The following ZNF430 variants were observed in gnomAD, a reference collection of about 807,000 sequenced individuals.
ZNF430 encodes zinc finger protein 430.
A neutral mutation model predicts 56.7 loss-of-function variants in ZNF430; 35 were observed. The ratio of observed to expected loss-of-function variants is 0.62; its 90% CI spans 0.47 to 0.82. The LOEUF is 0.82. Ranked by LOEUF, ZNF430 falls within the 40% of genes least tolerant of loss-of-function variation. The pLI is 0.00. For synonymous variants in ZNF430, 212 were observed against 224.3 expected (o/e 0.94, Z 0.49); for missense variants, 574 against 661.0 (o/e 0.87, Z 1.44).
Position 21,057,947 on chromosome 19 carries a change from G to C in ZNF430, c.1639G>C (p.Gly547Arg), listed in dbSNP as rs766893903. ...GAAACCCTACAACTGTGAAGAATAC[G>C]GCAAAGCTTTCAACCAGTCCTCAAA... ...GEKPYNCEEY[G>R]KAFNQSSNLI... The change falls in exon 5 of 5, where the codon GGC becomes CGC. Residue 547 changes from glycine (G) to arginine (R), a missense_variant. Coordinates refer to ENST00000261560, the MANE Select transcript of ZNF430 (RefSeq NM_025189.4). The C allele has an allele frequency of 1.2e-6, 2 of 1,612,402 alleles. No homozygotes were observed. Among genetic ancestry groups the C allele is most frequent in the Admixed American group, 3.3e-5 (2 of 59,800 alleles).
At chr19:21,051,869 A>T (rs1011039235) in intron 4 of ZNF430, among the ~76,000 whole-genome samples, 2 of 152,164 alleles carry the variant, frequency 1.3e-5, no homozygotes, top group African/African-American at 4.8e-5. Context: ...GAAATCAGGA[A>T]CTATAATGAC....
At chr19:21,046,530 C>T (rs1439427725) in intron 4 of ZNF430, among the ~76,000 whole-genome samples, 1 of 151,946 alleles carries the variant, frequency 6.6e-6, no homozygotes, top group African/African-American at 2.4e-5. Flanking sequence ...GCAAGGCAGG[C>T]CTGGTGGTGA....
rs369046554 is a variant in ZNF430 at position 21,047,034 on chromosome 19, G to A, written c.323-9597G>A. Among the ~76,000 whole-genome samples the A allele has an allele frequency of 3.9e-5, 6 of 152,120 alleles. No individual in the cohort carries two copies. In the South Asian group the frequency reaches 1.0e-3, roughly 26 times the overall value. The stretch of plus-strand genomic sequence containing the variant: ...GACCTCAGAGATTTCTCTCATTCCC[G>A]TTTATTCTTTTTTCTTCAATCTTGT... On this transcript the variant is annotated intron_variant, in intron 4 of 4. Transcript: ENST00000261560.
In ZNF430 at chr19:21,022,874, A is replaced by G; in HGVS notation, c.89A>G (p.Tyr30Cys). ...ADRNLLVYSFYEKGPLTFRDV... is the reference protein window; with the variant it reads ...ADRNLLVYSFCEKGPLTFRDV... ...AGGAATCTTCTGGTGTACTCTTTTT[A>G]TGAAAAGGTAACCCCTTGAGATGTT... The change falls in exon 2 of 5, where the codon TAT becomes TGT. Residue 30 changes from tyrosine (Y) to cysteine (C), a missense_variant. By Grantham distance (194) the Tyr-to-Cys change is radical (BLOSUM62 -2). Transcript: ENST00000261560. 6.2e-7 allele frequency: 1 copy of G among 1,611,968 alleles called. No homozygotes were observed. The highest frequency in any genetic ancestry group is 8.5e-7 in the Non-Finnish European group (1 of 1,178,116).
At chr19:21,048,864 C>T (rs561416073) in intron 4 of ZNF430, among the ~76,000 whole-genome samples, 3 of 151,812 alleles carry the variant, frequency 2.0e-5, no homozygotes, top group South Asian at 2.1e-4. Flanking sequence ...GGGCTGCCCC[C>T]CACCTCCCTC....
intron 4 of ZNF430, among the ~76,000 whole-genome samples, chr19:21,043,974 T>G (rs965360150): frequency 2.9e-4 from 23 of 78,568 alleles, no homozygotes; most frequent in African/African-American, 5.6e-4. Flanking sequence ...AGCTTCTTAT[T>G]AGCTGAAGAA....
chr19:21,037,130 A>C (rs9676314), intron 4 of ZNF430, among the ~76,000 whole-genome samples: 14 of 80,370 alleles, frequency 1.7e-4, no homozygotes, highest in Admixed American at 5.9e-4. Flanking sequence ...TTTTTTTTTT[A>C]TTTTTGAGAC....
In ZNF430 at chr19:21,020,711, G is replaced by A; in HGVS notation, c.-90G>A. On this transcript the variant is annotated 5_prime_UTR_variant, in exon 1 of 5. Transcript: ENST00000261560. ...TCGTCTTCAGCGCTCTGTGTCCTCTGCTCCTAGAGGTCCAGGCTCTGTGGC... is the reference window on the plus strand; with the variant it reads ...TCGTCTTCAGCGCTCTGTGTCCTCTACTCCTAGAGGTCCAGGCTCTGTGGC... 1.9e-6 allele frequency: 3 copies of A among 1,566,168 alleles called. No homozygotes were observed. Among genetic ancestry groups the A allele is most frequent in the Non-Finnish European group, 2.6e-6 (3 of 1,138,286 alleles).
At chr19:21,049,347 C>T (rs181451737) in intron 4 of ZNF430, among the ~76,000 whole-genome samples, 42 of 151,780 alleles carry the variant, frequency 2.8e-4, no homozygotes, top group African/African-American at 5.3e-4. Flanking sequence ...AGAACTTTAA[C>T]GGTTTTATGC....
chr19:21,046,454 GTGTTTT>G (rs1274263649), intron 4 of ZNF430, among the ~76,000 whole-genome samples: 1 of 152,090 alleles, frequency 6.6e-6, no homozygotes, highest in African/African-American at 2.4e-5. Context: ...GTACTTCAGT[GTGTTTT>G]TGTAGTGGCT....
At chr19:21,054,765 C>T (rs752046030) in intron 4 of ZNF430, among the ~76,000 whole-genome samples, 8 of 150,188 alleles carry the variant, frequency 5.3e-5, no homozygotes, top group South Asian at 2.1e-4. Context: ...AGCTCCGCCT[C>T]CCCGGTTCAC....
In ZNF430 at chr19:21,037,387, G is replaced by A. The variant is rs111476003; in HGVS notation, c.322+3203G>A. On this transcript the variant is annotated intron_variant, in intron 4 of 4. Coordinates refer to ENST00000261560, the MANE Select transcript of ZNF430 (RefSeq NM_025189.4). ...CCATCCTCGGCCTCCCAAAGTGCTG[G>A]GATTACAGGTGTGAGTCACACGCTT... Among the ~76,000 whole-genome samples, 155 of 152,116 alleles carry A rather than the reference G, an allele frequency of 1.0e-3. 1 individual carries two copies. Among genetic ancestry groups the A allele is most frequent in the African/African-American group, 3.2e-3 (133 of 41,524 alleles).
chr19:21,040,119 T>A (rs186804825), intron 4 of ZNF430, among the ~76,000 whole-genome samples: 3 of 152,334 alleles, frequency 2.0e-5, no homozygotes, highest in African/African-American at 7.2e-5. Flanking sequence ...ATTAGATGTA[T>A]CAGCCACTAC....
At position 21,057,660 on chromosome 19, in the gene ZNF430, A is replaced by G. The variant is rs1423880989; in HGVS notation, c.1352A>G (p.His451Arg). 1.9e-6 allele frequency: 3 copies of G among 1,612,904 alleles called. No homozygotes were observed. Among genetic ancestry groups the G allele is most frequent in the African/African-American group, 2.7e-5 (2 of 75,052 alleles). ...SSNLTAHKIIHTGEKPYKCEE... is the reference protein window; with the variant it reads ...SSNLTAHKIIRTGEKPYKCEE... ...AACCTTACTGCACATAAGATAATTCATACTGGAGAGAAACCCTACAAATGT... is the reference window on the plus strand; with the variant it reads ...AACCTTACTGCACATAAGATAATTCGTACTGGAGAGAAACCCTACAAATGT... The change falls in exon 5 of 5, where the codon CAT (histidine) becomes CGT (arginine). Residue 451 changes from histidine to arginine, a missense_variant. Transcript: ENST00000261560.
At chr19:21,036,561 C>A (rs552675609) in intron 4 of ZNF430, 4 of 152,000 alleles carry the variant, frequency 2.6e-5, no homozygotes, top group African/African-American at 9.7e-5. Flanking sequence ...GGTGGTGGCT[C>A]ACATCTGTAA....
chr19:21,047,349 T>G (rs1306059911), intron 4 of ZNF430, among the ~76,000 whole-genome samples: 1 of 152,222 alleles, frequency 6.6e-6, no homozygotes, highest in African/African-American at 2.4e-5. Context: ...TTATCCACCT[T>G]AGCCACCGCC....
intron 2 of ZNF430, 49 bp from the exon 3 acceptor site, chr19:21,033,407 G>T: frequency 6.4e-7 from 1 of 1,564,584 alleles, no homozygotes; most frequent in Non-Finnish European, 8.6e-7. Context: ...AATTCTGCCC[G>T]TGGCCACTTG....
chr19:21,050,184 C>T (rs1968260773), intron 4 of ZNF430, among the ~76,000 whole-genome samples: 1 of 53,194 alleles, frequency 1.9e-5, no homozygotes, highest in Non-Finnish European at 7.3e-5. Context: ...GTGCCCAGCC[C>T]CCCTATATTC....
chr19:21,033,228 C>A (rs1388083990), intron 2 of ZNF430, among the ~76,000 whole-genome samples: 1 of 151,994 alleles, frequency 6.6e-6, no homozygotes, highest in African/African-American at 2.4e-5. Flanking sequence ...GTGGTGCATG[C>A]CTGTAATCCC....
Sources: allele counts gnomAD v4.1 joint callset (sites outside exome capture counted in the v4.1 genomes callset), GRCh38; gene constraint gnomAD v4.1.1; transcripts MANE v1.5; gene names NCBI Gene and HGNC (gene_info 2026-07-23, HGNC 2026-07-21).